CHD7: variants seen among roughly 807,000 people sequenced by gnomAD.
CHD7 encodes chromodomain helicase DNA binding protein 7, also known as ATP-dependent chromatin remodeler CHD7.
In CHD7, 24 loss-of-function variants were observed where a neutral mutation model predicts 307.3. That is an observed-to-expected ratio of 0.08 (90% CI 0.06 to 0.11). The LOEUF (loss-of-function observed/expected upper bound fraction) is 0.11, where lower values mean the gene tolerates loss of function less well. Among genes scored for constraint, CHD7 ranks in the 10% least tolerant of loss-of-function variants. The pLI is 1.00. For synonymous variants in CHD7, 1,363 were observed against 1,349.9 expected, an observed-to-expected ratio of 1.01 and a Z score of -0.21; for missense variants, 3,106 against 3,727.1, an observed-to-expected ratio of 0.83 and a Z score of 4.34.
chr8:60,862,115 C>G, intron 35 of CHD7, 81 bp from the exon 36 acceptor site: 2 of 1,023,976 alleles, frequency 2.0e-6, no homozygotes, highest in Admixed American at 5.6e-5. Flanking sequence ...TGAAGATGAT[C>G]TGACAGTTCT....
At position 60,865,131 on chromosome 8, in the gene CHD7, C is replaced by T. The variant is rs1210582890; in HGVS notation, c.8192C>T (p.Ala2731Val). The T allele has an allele frequency of 6.2e-7, 1 of 1,611,362 alleles. No homozygotes were observed. The highest frequency in any genetic ancestry group is 1.7e-5 in the Admixed American group (1 of 59,720). ...AGTGAGATCGCCAGAGCAGCCGCGG[C>T]CGCCGCTGCTGTGGCCTCCACGTCA... is the stretch of plus-strand genomic sequence containing the variant. The part of the protein sequence containing the change: ...PKSEIARAAA[A>V]AAAVASTSGI... The change falls in exon 38 of 38, where the codon GCC (alanine) becomes GTC (valine). Residue 2731 changes from alanine to valine, a missense_variant. Ala to Val is a moderately conservative substitution (Grantham distance 64, BLOSUM62 0). Transcript: ENST00000423902. The surrounding 1 kb of genome is among the most constrained non-coding windows in gnomAD (Gnocchi z 4.3).
intron 19 of CHD7, among the ~76,000 whole-genome samples, 176 bp from the exon 20 acceptor site, chr8:60,841,468 G>C (rs1281107484): frequency 2.0e-5 from 3 of 152,200 alleles, no homozygotes; most frequent in African/African-American, 7.2e-5. Flanking sequence ...TTTGGTCTCA[G>C]GCCCTGGTCA....
intron 1 of CHD7, among the ~76,000 whole-genome samples, chr8:60,737,955 G>T (rs1242719220): frequency 6.6e-6 from 1 of 152,198 alleles, no homozygotes; most frequent in African/African-American, 2.4e-5. Flanking sequence ...ATCATAGTAG[G>T]TGCTCAGTAA....
chr8:60,714,638 G>C (rs970779404), intron 1 of CHD7, among the ~76,000 whole-genome samples: 1 of 152,174 alleles, frequency 6.6e-6, no homozygotes, highest in South Asian at 2.1e-4. Flanking sequence ...CTTGGCCTCA[G>C]GTGCTGCACA....
chr8:60,773,321 G>A lies in CHD7; in HGVS notation c.1666-7679G>A, dbSNP rs149821487. Among the ~76,000 whole-genome samples the A allele has an allele frequency of 7.7e-4, 118 of 152,344 alleles. 2 individuals are homozygous for A. The East Asian group carries it at 0.02, about 26-fold the overall frequency. On this transcript the variant is annotated intron_variant, in intron 2 of 37. Transcript: ENST00000423902. ...TTCTCACAAAATTACTTCAGGGATA[G>A]GAGATGTAAGATCAGGAACACAGTC... is the stretch of plus-strand genomic sequence containing the variant.
chr8:60,766,629 G>A (rs1329968431), intron 2 of CHD7, among the ~76,000 whole-genome samples: 1 of 152,190 alleles, frequency 6.6e-6, no homozygotes, highest in Non-Finnish European at 1.5e-5. Context: ...GAAGGTGGAG[G>A]CAGCGTGATT....
intron 13 of CHD7, 89 bp downstream of exon 13, chr8:60,824,105 A>G (rs1804165300): frequency 8.9e-7 from 1 of 1,118,082 alleles, no homozygotes. Context: ...ATGCCTGTAA[A>G]CAGTATTTGA....
At chr8:60,789,874 A>T (rs143539466) in intron 3 of CHD7, among the ~76,000 whole-genome samples, 146 of 152,318 alleles carry the variant, frequency 9.6e-4, no homozygotes, top group African/African-American at 3.4e-3. Flanking sequence ...TGTGACATAT[A>T]CTGCTCTCTG....
At chr8:60,795,520 A>G (rs1265799598) in intron 4 of CHD7, among the ~76,000 whole-genome samples, 1 of 152,228 alleles carries the variant, frequency 6.6e-6, no homozygotes, top group Non-Finnish European at 1.5e-5. Flanking sequence ...AGAATTAAAA[A>G]TCAAGATATA....
chr8:60,740,935 G>T (rs1039434056), intron 1 of CHD7, among the ~76,000 whole-genome samples: 1 of 152,214 alleles, frequency 6.6e-6, no homozygotes, highest in Non-Finnish European at 1.5e-5. Flanking sequence ...TGCTGTGGCA[G>T]CTGCTGCTGC....
intron 2 of CHD7, among the ~76,000 whole-genome samples, chr8:60,746,476 TA>T (rs1405740492): frequency 2.0e-5 from 3 of 152,250 alleles, no homozygotes; most frequent in African/African-American, 7.2e-5. Context: ...TTAGAGCTAC[TA>T]AAATTATTTT....
At chr8:60,802,543 A>G (rs1472593823) in intron 6 of CHD7, among the ~76,000 whole-genome samples, 1 of 152,202 alleles carries the variant, frequency 6.6e-6, no homozygotes, top group Non-Finnish European at 1.5e-5. Flanking sequence ...TTTAAAAAAT[A>G]ATATATAATA....
At chr8:60,734,346 G>A (rs1177088433) in intron 1 of CHD7, among the ~76,000 whole-genome samples, 1 of 152,166 alleles carries the variant, frequency 6.6e-6, no homozygotes, top group Non-Finnish European at 1.5e-5. Context: ...TCCCGGGGGT[G>A]CCAGGGGTCC....
intron 3 of CHD7, among the ~76,000 whole-genome samples, chr8:60,784,821 C>T (rs777220428): frequency 2.6e-5 from 4 of 152,110 alleles, no homozygotes; most frequent in Non-Finnish European, 5.9e-5. Context: ...TGTTCAGCAT[C>T]ACAGAAAAAG....
chr8:60,770,105 C>T (rs1432369746), intron 2 of CHD7, among the ~76,000 whole-genome samples: 1 of 152,196 alleles, frequency 6.6e-6, no homozygotes, highest in Non-Finnish European at 1.5e-5. Context: ...GCTTAACTGC[C>T]TAACCACTGC....
intron 3 of CHD7, among the ~76,000 whole-genome samples, chr8:60,785,082 G>C (rs1246158983): frequency 6.6e-6 from 1 of 152,166 alleles, no homozygotes; most frequent in Non-Finnish European, 1.5e-5. Flanking sequence ...ATGAGGATTT[G>C]CATCCTTTTC....
At position 60,862,407 on chromosome 8, in the gene CHD7, T is replaced by C. The variant is rs910989434; in HGVS notation, c.7971+71T>C. ...CAGAAGGAAGTGTTTTATCCTGCCT[T>C]CTTCTATAGGGGAAAAGAATCCTGT... On this transcript the variant is annotated intron_variant, in intron 36 of 37. Coordinates refer to ENST00000423902, the MANE Select transcript of CHD7 (RefSeq NM_017780.4). The C allele has an allele frequency of 3.3e-6, 5 of 1,525,374 alleles. No homozygotes were observed. The African/African-American group carries it at 4.2e-5, about 13-fold the overall frequency. The allele number at this position is 1,525,374 out of a possible 1,614,324, so 94.5% of individuals were successfully genotyped here. A position where few individuals can be genotyped will look rare whatever the true frequency, so the allele number is the denominator to read the frequency against.
intron 2 of CHD7, among the ~76,000 whole-genome samples, chr8:60,770,955 C>T (rs1810679290): frequency 6.6e-6 from 1 of 152,124 alleles, no homozygotes; most frequent in Non-Finnish European, 1.5e-5. Context: ...CCAGAGGTTG[C>T]CTGGTTTGAA....
At chr8:60,704,486 C>T (rs571698229) in intron 1 of CHD7, among the ~76,000 whole-genome samples, 8 of 151,962 alleles carry the variant, frequency 5.3e-5, no homozygotes, top group Non-Finnish European at 7.4e-5. Flanking sequence ...AAAGGTTCTG[C>T]GGCTACACTG....
Sources: allele counts gnomAD v4.1 joint callset (sites outside exome capture counted in the v4.1 genomes callset), GRCh38; gene constraint gnomAD v4.1.1; non-coding constraint Gnocchi (gnomAD v3.1); transcripts MANE v1.5; gene names NCBI Gene and HGNC (gene_info 2026-07-23, HGNC 2026-07-21).